Variants in AMMECR1 observed in about 807,000 individuals in gnomAD.
The protein encoded by AMMECR1 is nuclear protein AMMECR1.
Under a neutral mutation model 22.5 loss-of-function variants are expected in AMMECR1, and 3 were observed. The observed-to-expected ratio is 0.13, with a 90% confidence interval of 0.06 to 0.35. AMMECR1 has a LOEUF of 0.35. Ranked by LOEUF, AMMECR1 falls within the 10% of genes least tolerant of loss-of-function variation. AMMECR1 has a pLI of 1.00. For synonymous variants in AMMECR1, 130 were observed against 116.7 expected (o/e 1.11, Z -0.74); for missense variants, 235 against 278.7 (o/e 0.84, Z 1.12).
At chrX:110,388,551 A>G (rs2068473594) in intron 2 of AMMECR1, among the ~76,000 whole-genome samples, 1 of 111,820 alleles carries the variant, frequency 8.9e-6, no homozygotes, top group African/African-American at 3.3e-5. Context: ...GAAGGATGAA[A>G]TAATAGCAGA....
At chrX:110,254,968 C>CA (rs2067703306) in intron 2 of AMMECR1, among the ~76,000 whole-genome samples, 1 of 111,797 alleles carries the variant, frequency 8.9e-6, no homozygotes, top group Admixed American at 9.5e-5. Flanking sequence ...TGCTCAATGG[C>CA]AGTGTCTGTC....
intron 1 of AMMECR1, among the ~76,000 whole-genome samples, chrX:110,428,433 G>C (rs2068769992): frequency 8.9e-6 from 1 of 111,840 alleles, no homozygotes; most frequent in African/African-American, 3.2e-5. Context: ...ACACATTATA[G>C]GTGCTCAGTA....
chrX:110,364,584 T>G (rs2068284929), intron 2 of AMMECR1, among the ~76,000 whole-genome samples: 1 of 111,418 alleles, frequency 9.0e-6, no homozygotes, highest in African/African-American at 3.3e-5. Context: ...ATTATTGCCT[T>G]ATAAGTTTAG....
At chrX:110,326,830 C>T (rs1269612565) in intron 2 of AMMECR1, among the ~76,000 whole-genome samples, 1 of 111,712 alleles carries the variant, frequency 9.0e-6, no homozygotes, top group African/African-American at 3.3e-5. Flanking sequence ...CAGGAGACTT[C>T]GTTAATTCAG....
At chrX:110,343,142 C>A (rs1433793167) in intron 2 of AMMECR1, among the ~76,000 whole-genome samples, 1 of 111,960 alleles carries the variant, frequency 8.9e-6, no homozygotes, top group Non-Finnish European at 1.9e-5. Context: ...AGCTTATCCA[C>A]CATGATCAAG....
At chrX:110,381,469 C>G (rs60281668) in intron 2 of AMMECR1, among the ~76,000 whole-genome samples, 4,335 of 111,553 alleles carry the variant, frequency 0.039, 206 homozygotes, top group African/African-American at 0.13. Flanking sequence ...GTATACATTG[C>G]TGGTGGCAAT....
rs149811870 is a variant in AMMECR1 at position 110,360,878 on chromosome X, C to T, written c.-147-43029G>A. ...AGGAAGAATTGATAGGATTTTGTCA[C>T]GGACTGACTTCTGGAGTTGAAAGGT... On this transcript the variant is annotated intron_variant, in intron 2 of 7. Coordinates refer to the AMMECR1 transcript ENST00000372057. Among the ~76,000 whole-genome samples, 423 of 111,377 alleles carry T rather than the reference C, an allele frequency of 3.8e-3. 1 individual carries two copies. Among genetic ancestry groups the T allele is most frequent in the African/African-American group, 0.013 (396 of 30,641 alleles).
At chrX:110,258,567 C>G (rs2067722201) in intron 2 of AMMECR1, among the ~76,000 whole-genome samples, 1 of 112,075 alleles carries the variant, frequency 8.9e-6, no homozygotes, top group South Asian at 3.7e-4. Flanking sequence ...CTCAGGCCAT[C>G]ATCTCTTTTA....
At chrX:110,200,699 C>T (rs1046000288) in intron 5 of AMMECR1, among the ~76,000 whole-genome samples, 1 of 111,911 alleles carries the variant, frequency 8.9e-6, no homozygotes, top group Non-Finnish European at 1.9e-5. Context: ...AGTCTAAAAT[C>T]TCCAAGGGCT....
intron 1 of AMMECR1, among the ~76,000 whole-genome samples, chrX:110,302,978 TA>T (rs2067975948): frequency 9.0e-6 from 1 of 111,526 alleles, no homozygotes; most frequent in Non-Finnish European, 1.9e-5. Context: ...GAGATTGAAG[TA>T]AAAAGTGTTT....
chrX:110,337,805 A>G (rs2068146848), intron 2 of AMMECR1, among the ~76,000 whole-genome samples: 1 of 112,472 alleles, frequency 8.9e-6, no homozygotes, highest in Non-Finnish European at 1.9e-5. Context: ...CTAAAACAGG[A>G]AGCAACTCAA....
intron 4 of AMMECR1, 92 bp from the exon 5 acceptor site, chrX:110,201,142 C>T (rs2067395121): frequency 1.6e-5 from 8 of 499,660 alleles, no homozygotes; most frequent in Non-Finnish European, 2.6e-5. Context: ...GGTCAGCTAT[C>T]ACTGTCACCA....
At chrX:110,342,013 C>T (rs1000419152) in intron 2 of AMMECR1, among the ~76,000 whole-genome samples, 13 of 110,241 alleles carry the variant, frequency 1.2e-4, no homozygotes, top group Admixed American at 1.1e-3. Context: ...GAGCTGAGAT[C>T]GTGCCACTGC....
intron 2 of AMMECR1, among the ~76,000 whole-genome samples, chrX:110,234,883 G>A (rs906903256): frequency 1.9e-4 from 21 of 112,049 alleles, no homozygotes; most frequent in Non-Finnish European, 3.0e-4. Flanking sequence ...AACCCTAGAA[G>A]AAAACCTATG....
chrX:110,388,924 G>A (rs113441006), intron 2 of AMMECR1, among the ~76,000 whole-genome samples: 1,555 of 112,353 alleles, frequency 0.014, 28 homozygotes, highest in African/African-American at 0.048. Context: ...AAACCAGAAT[G>A]GTCAGATTCC....
intron 1 of AMMECR1, among the ~76,000 whole-genome samples, chrX:110,435,118 A>C (rs1406700984): frequency 3.1e-5 from 1 of 32,325 alleles, no homozygotes; most frequent in Admixed American, 4.6e-4. Flanking sequence ...GGGAGGAGGA[A>C]GGAGGGAGGG....
chrX:110,231,854 G>C (rs1034114289), intron 2 of AMMECR1, among the ~76,000 whole-genome samples: 1 of 110,581 alleles, frequency 9.0e-6, no homozygotes, highest in Non-Finnish European at 1.9e-5. Context: ...AAAAAAAGCA[G>C]GGGTTGCAAT....
intron 2 of AMMECR1, among the ~76,000 whole-genome samples, chrX:110,356,715 G>GA (rs1268999177): frequency 9.1e-6 from 1 of 110,494 alleles, no homozygotes; most frequent in Non-Finnish European, 1.9e-5. Context: ...GTTTTGAAAG[G>GA]AAAAAATAAT....
chrX:110,214,905 G>A (rs1293075195), intron 3 of AMMECR1, among the ~76,000 whole-genome samples: 1 of 111,418 alleles, frequency 9.0e-6, no homozygotes, highest in Non-Finnish European at 1.9e-5. Flanking sequence ...TCTGGCTGCG[G>A]AAGAGGAAAC....
Sources: gnomAD v4.1 joint callset for allele counts (sites outside exome capture counted in the v4.1 genomes callset) on GRCh38, gnomAD v4.1.1 for gene constraint, MANE v1.5 for transcripts, NCBI Gene and HGNC (gene_info 2026-07-23, HGNC 2026-07-21) for gene names.